L3MBTL4: variants seen among roughly 807,000 people sequenced by gnomAD.
L3MBTL4 encodes lethal(3)malignant brain tumor-like protein 4.
A neutral mutation model predicts 84.5 loss-of-function variants in L3MBTL4; 70 were observed. The ratio of observed to expected loss-of-function variants is 0.83; its 90% CI spans 0.68 to 1.01. The LOEUF (loss-of-function observed/expected upper bound fraction) is 1.01, where lower values mean the gene tolerates loss of function less well. Among genes scored for constraint, L3MBTL4 ranks in the 50% least tolerant of loss-of-function variants. The pLI is 0.00. For synonymous variants in L3MBTL4, 274 were observed against 259.8 expected, an observed-to-expected ratio of 1.05 and a Z score of -0.52; for missense variants, 715 against 754.8, an observed-to-expected ratio of 0.95 and a Z score of 0.62.
intron 18 of L3MBTL4, 31 bp downstream of exon 18, chr18:5,960,045 CATATATATATATATACAT>C: frequency 3.0e-6 from 1 of 336,426 alleles, no homozygotes; most frequent in Non-Finnish European, 5.0e-6. Flanking sequence ...TATACACACA[CATATATATATATATACAT>C]ATATATATAT....
chr18:6,311,206 T>C (rs1017289418), intron 3 of L3MBTL4, among the ~76,000 whole-genome samples: 3 of 151,952 alleles, frequency 2.0e-5, no homozygotes, highest in African/African-American at 7.3e-5. Context: ...ATCACACACA[T>C]ATACACATAC....
At chr18:6,388,990 A>G (rs1460458987) in intron 1 of L3MBTL4, among the ~76,000 whole-genome samples, 1 of 152,196 alleles carries the variant, frequency 6.6e-6, no homozygotes, top group Non-Finnish European at 1.5e-5. Flanking sequence ...AGGGACAAGG[A>G]AAGTCAGGAA....
intron 1 of L3MBTL4, among the ~76,000 whole-genome samples, chr18:6,331,012 T>C (rs1467747585): frequency 6.6e-6 from 1 of 152,100 alleles, no homozygotes; most frequent in Non-Finnish European, 1.5e-5. Flanking sequence ...AAAAAAGAAA[T>C]ACTAGGAAAA....
intron 14 of L3MBTL4, among the ~76,000 whole-genome samples, chr18:6,123,969 G>T (rs1044296185): frequency 1.3e-5 from 2 of 152,196 alleles, no homozygotes; most frequent in African/African-American, 4.8e-5. Flanking sequence ...TAGCTGCCAT[G>T]TATTCCATCA....
chr18:6,173,282 C>T (rs2044066126), intron 12 of L3MBTL4, among the ~76,000 whole-genome samples: 1 of 152,118 alleles, frequency 6.6e-6, no homozygotes, highest in African/African-American at 2.4e-5. Flanking sequence ...ATAGGCAGCA[C>T]AGAAATGCAA....
At chr18:6,204,878 G>A (rs1357459947) in intron 12 of L3MBTL4, among the ~76,000 whole-genome samples, 1 of 152,130 alleles carries the variant, frequency 6.6e-6, no homozygotes, top group African/African-American at 2.4e-5. Flanking sequence ...CTCCTGGGAT[G>A]GTCTCTTTCT....
intron 16 of L3MBTL4, among the ~76,000 whole-genome samples, chr18:6,024,920 T>A (rs527960858): frequency 6.6e-6 from 1 of 152,322 alleles, no homozygotes; most frequent in Admixed American, 6.5e-5. Context: ...GAAAATAAAG[T>A]TCACTACGCC....
At chr18:6,389,451 T>A (rs544631918) in intron 1 of L3MBTL4, among the ~76,000 whole-genome samples, 1 of 152,212 alleles carries the variant, frequency 6.6e-6, no homozygotes, top group African/African-American at 2.4e-5. Flanking sequence ...CACATCTCAA[T>A]ATTAACAAGG....
chr18:6,319,174 T>C (rs8099474), intron 1 of L3MBTL4, among the ~76,000 whole-genome samples: 2 of 151,892 alleles, frequency 1.3e-5, no homozygotes, highest in Non-Finnish European at 2.9e-5. Context: ...CATAAGAAAG[T>C]CTGAAAGTTC....
intron 4 of L3MBTL4, among the ~76,000 whole-genome samples, chr18:6,270,996 A>G (rs968523012): frequency 2.6e-5 from 4 of 152,178 alleles, no homozygotes; most frequent in African/African-American, 9.7e-5. Context: ...TGTGGGTGTG[A>G]CCTAAACAAA....
chr18:6,163,300 TGTGTGTGGGTGG>T (rs1395646342), intron 13 of L3MBTL4, among the ~76,000 whole-genome samples: 44 of 125,508 alleles, frequency 3.5e-4, no homozygotes, highest in Admixed American at 2.7e-3. Flanking sequence ...TGTGTGTGTG[TGTGTGTGGGTGG>T]GTGTGTATTT....
intron 16 of L3MBTL4, among the ~76,000 whole-genome samples, chr18:5,995,183 G>A (rs775086527): frequency 6.6e-6 from 1 of 152,218 alleles, no homozygotes; most frequent in Non-Finnish European, 1.5e-5. Context: ...CCACAGCGGC[G>A]ACCACGCCAT....
intron 1 of L3MBTL4, among the ~76,000 whole-genome samples, chr18:6,366,617 A>G (rs2053946263): frequency 6.6e-6 from 1 of 152,234 alleles, no homozygotes; most frequent in Non-Finnish European, 1.5e-5. Flanking sequence ...CTCTATTAGT[A>G]TTGTAAAGCA....
chr18:6,324,696 C>A (rs1227916761), intron 1 of L3MBTL4, among the ~76,000 whole-genome samples: 1 of 152,214 alleles, frequency 6.6e-6, no homozygotes, highest in Non-Finnish European at 1.5e-5. Context: ...GTAGAACACA[C>A]CGGAGCCTGA....
At chr18:6,314,505 T>C (rs185665393) in intron 1 of L3MBTL4, among the ~76,000 whole-genome samples, 1 of 152,312 alleles carries the variant, frequency 6.6e-6, no homozygotes, top group East Asian at 1.9e-4. Context: ...GTTCAGTGAT[T>C]TTAATTAGAG....
chr18:6,263,147 G>C (rs1169827024), intron 5 of L3MBTL4, among the ~76,000 whole-genome samples: 1 of 151,934 alleles, frequency 6.6e-6, no homozygotes, highest in Non-Finnish European at 1.5e-5. Flanking sequence ...GCACGCATCT[G>C]TAATCCCAGC....
chr18:6,046,433 C>T (rs916870236), intron 16 of L3MBTL4, among the ~76,000 whole-genome samples: 2 of 152,156 alleles, frequency 1.3e-5, no homozygotes, highest in Non-Finnish European at 2.9e-5. Context: ...GAATACTCCA[C>T]CAATCAAAAC....
chr18:6,060,353 G>T (rs1459614406), intron 16 of L3MBTL4, among the ~76,000 whole-genome samples: 2 of 150,166 alleles, frequency 1.3e-5, no homozygotes, highest in East Asian at 3.9e-4. Flanking sequence ...ACCAAATACT[G>T]CTGAGTCATT....
intron 14 of L3MBTL4, among the ~76,000 whole-genome samples, chr18:6,131,563 AT>A (rs2059877506): frequency 6.6e-6 from 1 of 152,206 alleles, no homozygotes; most frequent in Non-Finnish European, 1.5e-5. Context: ...ACTCATTTAA[AT>A]TCATTAGGAA....
Sources: allele counts gnomAD v4.1 joint callset (sites outside exome capture counted in the v4.1 genomes callset), GRCh38; gene constraint gnomAD v4.1.1; transcripts MANE v1.5; gene names NCBI Gene and HGNC (gene_info 2026-07-23, HGNC 2026-07-21).